GRID1: variants seen among roughly 807,000 people sequenced by gnomAD.
The protein encoded by GRID1 is glutamate receptor ionotropic, delta-1.
GRID1 carries 28 observed loss-of-function variants against 98.0 expected under a neutral mutation model. The observed-to-expected ratio is 0.29, with a 90% confidence interval of 0.21 to 0.39. GRID1 has a LOEUF of 0.39. GRID1 is among the 10% of genes least tolerant of loss of function. The pLI is 1.00. For synonymous variants in GRID1, 553 were observed against 538.5 expected (o/e 1.03, Z -0.37); for missense variants, 1,111 against 1,340.5 (o/e 0.83, Z 2.67).
chr10:85,692,597 G>A (rs955911522), intron 12 of GRID1, among the ~76,000 whole-genome samples: 7 of 151,176 alleles, frequency 4.6e-5, no homozygotes, highest in Non-Finnish European at 1.0e-4. Flanking sequence ...AGCCCGGGAG[G>A]CAGAGGTTGC....
Position 86,034,902 on chromosome 10 carries a change from G to GTGGATGGATGGA in GRID1, c.726+103905_726+103916dup, listed in dbSNP as rs59211171. 4.6e-3 allele frequency among the ~76,000 whole-genome samples: 662 copies of GTGGATGGATGGA among 143,842 alleles called. 3 individuals are homozygous for GTGGATGGATGGA. Among genetic ancestry groups the GTGGATGGATGGA allele is most frequent in the Middle Eastern group, 7.1e-3 (2 of 282 alleles). The allele number at this position is 143,842 out of a possible 152,430, so 94.4% of individuals were successfully genotyped here. ...GATGAATGGATAGATCAATGGATTG[G>GTGGATGGATGGA]TGGATGGATGGATGGATGGATGGAT... On this transcript the variant is annotated intron_variant, in intron 4 of 15. Coordinates refer to ENST00000327946, the MANE Select transcript of GRID1 (RefSeq NM_017551.3).
chr10:86,337,417 G>T (rs2132107149), intron 2 of GRID1, among the ~76,000 whole-genome samples: 1 of 152,274 alleles, frequency 6.6e-6, no homozygotes, highest in East Asian at 1.9e-4. Flanking sequence ...CCTGTAAGGG[G>T]CAGACAGCTT....
intron 4 of GRID1, among the ~76,000 whole-genome samples, chr10:86,137,800 A>C (rs1331426157): frequency 2.0e-5 from 3 of 152,182 alleles, no homozygotes; most frequent in African/African-American, 7.2e-5. Context: ...GTACCACATT[A>C]AGCATTCCAA....
At chr10:86,029,123 A>G (rs182088811) in intron 4 of GRID1, among the ~76,000 whole-genome samples, 1 of 152,286 alleles carries the variant, frequency 6.6e-6, no homozygotes, top group East Asian at 1.9e-4. Flanking sequence ...GCCTCCTTCA[A>G]GCTTCTAATT....
At chr10:85,806,086 C>T (rs562701408) in intron 8 of GRID1, among the ~76,000 whole-genome samples, 1 of 150,812 alleles carries the variant, frequency 6.6e-6, no homozygotes, top group Non-Finnish European at 1.5e-5. Context: ...TGAATGGTAT[C>T]CAGAATATTG....
Position 86,173,770 on chromosome 10 carries a change from C to T in GRID1, c.520+32594G>A, listed in dbSNP as rs189789655. Among the ~76,000 whole-genome samples, 731 of 144,114 alleles carry T rather than the reference C, an allele frequency of 5.1e-3. 6 individuals are homozygous for T. Among genetic ancestry groups the T allele is most frequent in the East Asian group, 0.036 (173 of 4,828 alleles). The allele number at this position is 144,114 out of a possible 152,430, so 94.5% of individuals were successfully genotyped here. A position where few individuals can be genotyped will look rare whatever the true frequency, so the allele number is the denominator to read the frequency against. ...TCCCCAGAATGTGATGTTCCCCTTC[C>T]TGTGTCCATGTGTTCTCATTGTTCA... On this transcript the variant is annotated intron_variant, in intron 3 of 15. Transcript: ENST00000327946.
At chr10:86,277,657 T>A (rs1352452929) in intron 2 of GRID1, among the ~76,000 whole-genome samples, 1 of 152,014 alleles carries the variant, frequency 6.6e-6, no homozygotes, top group Non-Finnish European at 1.5e-5. Flanking sequence ...ATGTTAAGTG[T>A]AATCCTGAGG....
At chr10:85,730,757 G>A (rs1352244688) in intron 8 of GRID1, among the ~76,000 whole-genome samples, 1 of 152,138 alleles carries the variant, frequency 6.6e-6, no homozygotes, top group Non-Finnish European at 1.5e-5. Context: ...AAGCCATGAT[G>A]CTCAAACTAT....
chr10:86,244,012 A>G (rs562776945), intron 2 of GRID1, among the ~76,000 whole-genome samples: 1 of 152,296 alleles, frequency 6.6e-6, no homozygotes, highest in East Asian at 1.9e-4. Context: ...ATATATACAT[A>G]CATGTATACA....
intron 4 of GRID1, among the ~76,000 whole-genome samples, chr10:86,060,480 G>A (rs1362910796): frequency 6.6e-6 from 1 of 152,242 alleles, no homozygotes; most frequent in African/African-American, 2.4e-5. Context: ...CATATCCCCA[G>A]TATATTGGTG....
chr10:85,738,155 A>G (rs1264795281), intron 8 of GRID1, among the ~76,000 whole-genome samples: 1 of 152,218 alleles, frequency 6.6e-6, no homozygotes, highest in African/African-American at 2.4e-5. Context: ...AGATGTGTGT[A>G]CCCAATAAAG....
chr10:86,225,406 A>G lies in GRID1; in HGVS notation c.236-18758T>C, dbSNP rs577095909. The stretch of plus-strand genomic sequence containing the variant: ...AGGGAAGCAGTACTCAAGGCTGAGA[A>G]TTACGAATATTTATAGCGTTTAAGC... On this transcript the variant is annotated intron_variant, in intron 2 of 15. Transcript: ENST00000327946. Among the ~76,000 whole-genome samples the G allele has an allele frequency of 1.1e-4, 16 of 152,372 alleles. No homozygotes were observed. In the South Asian group the frequency reaches 3.3e-3, roughly 32 times the overall value.
chr10:86,141,490 A>G (rs1045605364), intron 3 of GRID1, among the ~76,000 whole-genome samples: 7 of 152,234 alleles, frequency 4.6e-5, no homozygotes, highest in Non-Finnish European at 1.0e-4. Flanking sequence ...TCTGTCCATC[A>G]TCAGCTGGAG....
intron 2 of GRID1, among the ~76,000 whole-genome samples, chr10:86,362,123 A>C (rs1035622281): frequency 6.6e-6 from 1 of 152,236 alleles, no homozygotes; most frequent in Non-Finnish European, 1.5e-5. Context: ...TCCAGGAAAT[A>C]TGTGCTTCCA....
intron 5 of GRID1, among the ~76,000 whole-genome samples, chr10:85,877,106 A>C (rs1843341463): frequency 6.6e-6 from 1 of 152,230 alleles, no homozygotes; most frequent in Non-Finnish European, 1.5e-5. Flanking sequence ...GCAGCAGGGA[A>C]GCTCCAACTG....
At chr10:86,292,547 G>A (rs547911283) in intron 2 of GRID1, among the ~76,000 whole-genome samples, 28 of 152,360 alleles carry the variant, frequency 1.8e-4, no homozygotes, top group African/African-American at 6.0e-4. Context: ...GTCCCATGGA[G>A]CAAACAGCAA....
intron 4 of GRID1, among the ~76,000 whole-genome samples, chr10:85,982,164 C>CT (rs1263414998): frequency 6.9e-6 from 1 of 145,424 alleles, no homozygotes; most frequent in Non-Finnish European, 1.5e-5. Context: ...TAGTGAGGGC[C>CT]TTGAAAGTGA....
In GRID1 at chr10:85,978,696, G is replaced by T. The variant is rs189288784; in HGVS notation, c.727-62457C>A. Among the ~76,000 whole-genome samples, 14 of 152,242 alleles carry T rather than the reference G, an allele frequency of 9.2e-5. No homozygotes were observed. In the East Asian group the frequency reaches 2.5e-3, roughly 27 times the overall value. On this transcript the variant is annotated intron_variant, in intron 4 of 15. Coordinates refer to ENST00000327946, the MANE Select transcript of GRID1 (RefSeq NM_017551.3). ...ACATTTGCCATACAGGGTCCTCCCT[G>T]CCTGCATGAGCTCTTATTCAAATTA...
At chr10:85,775,943 T>C (rs1842326719) in intron 8 of GRID1, among the ~76,000 whole-genome samples, 1 of 152,038 alleles carries the variant, frequency 6.6e-6, no homozygotes, top group South Asian at 2.1e-4. Context: ...ATATATAATA[T>C]AATCAAATAG....
Sources: allele counts gnomAD v4.1 joint callset (sites outside exome capture counted in the v4.1 genomes callset), GRCh38; gene constraint gnomAD v4.1.1; transcripts MANE v1.5; gene names NCBI Gene and HGNC (gene_info 2026-07-23, HGNC 2026-07-21).